Variants in TCF4 observed in about 807,000 individuals in gnomAD.
TCF4 encodes the protein SL3-3 enhancer factor 2.
A neutral mutation model predicts 82.1 loss-of-function variants in TCF4; 3 were observed. The ratio of observed to expected loss-of-function variants is 0.04; its 90% CI spans 0.02 to 0.09. TCF4 has a LOEUF of 0.09. TCF4 is among the 10% of genes least tolerant of loss of function. The probability of loss-of-function intolerance (pLI) is 1.00; values close to 1 mark genes in which losing one functional copy is unlikely to be tolerated. For synonymous variants in TCF4, 276 were observed against 309.6 expected, an observed-to-expected ratio of 0.89 and a Z score of 1.14; for missense variants, 518 against 852.7, an observed-to-expected ratio of 0.61 and a Z score of 4.89.
chr18:55,621,934 A>AT (rs2097721041), intron 2 of TCF4, among the ~76,000 whole-genome samples: 1 of 4,728 alleles, frequency 2.1e-4, no homozygotes, highest in Non-Finnish European at 3.6e-4. Flanking sequence ...ACTATATACT[A>AT]TATATACACT....
intron 2 of TCF4, among the ~76,000 whole-genome samples, chr18:55,616,066 C>T (rs1056081400): frequency 6.6e-6 from 1 of 152,048 alleles, no homozygotes; most frequent in Non-Finnish European, 1.5e-5. Flanking sequence ...TGCTGTACAA[C>T]AGATCTCTAG....
At chr18:55,505,874 A>G (rs1467342198) in intron 3 of TCF4, among the ~76,000 whole-genome samples, 1 of 152,086 alleles carries the variant, frequency 6.6e-6, no homozygotes, top group East Asian at 1.9e-4. Context: ...CAAATCTGGG[A>G]AACATACACC....
intron 15 of TCF4, among the ~76,000 whole-genome samples, chr18:55,244,276 T>C (rs771798029): frequency 1.3e-5 from 2 of 152,150 alleles, no homozygotes; most frequent in Non-Finnish European, 2.9e-5. Flanking sequence ...TTCCCTTAGA[T>C]TGCATCCAAA....
At chr18:55,522,276 A>G (rs558702025) in intron 3 of TCF4, among the ~76,000 whole-genome samples, 3 of 152,342 alleles carry the variant, frequency 2.0e-5, no homozygotes, top group African/African-American at 4.8e-5. Flanking sequence ...TCAACATCAC[A>G]GAATATATTA....
chr18:55,264,085 G>GC (rs1423973597), intron 11 of TCF4, among the ~76,000 whole-genome samples: 1 of 151,670 alleles, frequency 6.6e-6, no homozygotes, highest in Admixed American at 6.6e-5. Flanking sequence ...AAATATATAC[G>GC]CCCCAAAAAT....
intron 11 of TCF4, chr18:55,267,176 G>A (rs1044458014): frequency 6.6e-6 from 1 of 152,130 alleles, no homozygotes; most frequent in Non-Finnish European, 1.5e-5. Flanking sequence ...CTACAGAATC[G>A]TGTGTAATCT....
intron 5 of TCF4, among the ~76,000 whole-genome samples, chr18:55,406,600 G>A (rs947073208): frequency 2.0e-5 from 3 of 152,160 alleles, no homozygotes; most frequent in African/African-American, 2.4e-5. Context: ...GGATCCTTAA[G>A]TAACTATCTG....
At chr18:55,422,418 G>T (rs537475938) in intron 5 of TCF4, 101 of 984,348 alleles carry the variant, frequency 1.0e-4, no homozygotes, top group African/African-American at 3.5e-4. Flanking sequence ...GGGTTTGGGG[G>T]GTTTTTTTTA....
At chr18:55,467,197 T>A (rs780554585) in intron 3 of TCF4, among the ~76,000 whole-genome samples, 23 of 152,216 alleles carry the variant, frequency 1.5e-4, no homozygotes, top group Non-Finnish European at 2.8e-4. Flanking sequence ...TATAAACTAG[T>A]GTTTCCATAG....
intron 3 of TCF4, among the ~76,000 whole-genome samples, chr18:55,516,652 T>A (rs2096884955): frequency 6.6e-6 from 1 of 152,046 alleles, no homozygotes; most frequent in Non-Finnish European, 1.5e-5. Flanking sequence ...TGATATGACA[T>A]TTGAGTGAAG....
At chr18:55,609,617 A>C (rs2147961204) in intron 2 of TCF4, among the ~76,000 whole-genome samples, 1 of 152,294 alleles carries the variant, frequency 6.6e-6, no homozygotes, top group Non-Finnish European at 1.5e-5. Context: ...AAACACAAAC[A>C]AAAAAGGCAG....
At chr18:55,400,867 G>C in intron 6 of TCF4, 2 of 894,896 alleles carry the variant, frequency 2.2e-6, no homozygotes, top group Non-Finnish European at 3.1e-6. Context: ...TAAGTCCATA[G>C]GATACACTGT....
intron 2 of TCF4, among the ~76,000 whole-genome samples, chr18:55,618,738 T>C (rs932021756): frequency 8.2e-6 from 1 of 121,528 alleles, no homozygotes; most frequent in South Asian, 3.1e-4. Flanking sequence ...CATGACACCA[T>C]GGCTGGCTAA....
At chr18:55,539,365 C>T (rs2097145551) in intron 3 of TCF4, among the ~76,000 whole-genome samples, 2 of 152,136 alleles carry the variant, frequency 1.3e-5, no homozygotes, top group Admixed American at 1.3e-4. Flanking sequence ...ATGAGTAATC[C>T]AACCCTGAAA....
In TCF4 at chr18:55,390,958, G is replaced by A. The variant is rs76856253; in HGVS notation, c.369+12496C>T. ...AGACTCAAGCGAGTCTTACGTGGTC[G>A]CTAGTTGGGAGTAGCATTCTGGGGA... On this transcript the variant is annotated intron_variant, in intron 6 of 19. Coordinates refer to ENST00000354452, the MANE Select transcript of TCF4 (RefSeq NM_001083962.2). 6.3e-3 allele frequency among the ~76,000 whole-genome samples: 954 copies of A among 152,326 alleles called. 12 individuals are homozygous for A. The highest frequency in any genetic ancestry group is 0.022 in the African/African-American group (925 of 41,568).
intron 8 of TCF4, among the ~76,000 whole-genome samples, chr18:55,289,378 T>C (rs2064470318): frequency 6.6e-6 from 1 of 152,236 alleles, no homozygotes; most frequent in Non-Finnish European, 1.5e-5. Context: ...TTGATGTGCA[T>C]GTGAAGAAAT....
At chr18:55,434,419 C>CTTTTTTTTTTT (rs765165999) in intron 5 of TCF4, among the ~76,000 whole-genome samples, 1 of 118,204 alleles carries the variant, frequency 8.5e-6, no homozygotes, top group Non-Finnish European at 1.6e-5. Flanking sequence ...ACAGGACATT[C>CTTTTTTTTTTT]TTTTTTTTTT....
Position 55,588,153 on chromosome 18 carries a change from C to A in TCF4, c.-136G>T. The A allele has an allele frequency of 9.2e-7, 1 of 1,092,026 alleles. No homozygotes were observed. 67.6% of individuals were successfully genotyped at this position (1,092,026 alleles called of 1,614,324 possible). On this transcript the variant is annotated 5_prime_UTR_variant, in exon 1 of 20. The change creates a new upstream start codon in the 5' untranslated region. Transcript: ENST00000354452. ...CTGCGCCCGCTCCCGCGCCTGCTGC[C>A]TCCCCGCCGCCGCCGCCGCCGCCGC...
At chr18:55,304,980 G>C (rs568345716) in intron 8 of TCF4, among the ~76,000 whole-genome samples, 1 of 152,192 alleles carries the variant, frequency 6.6e-6, no homozygotes, top group Non-Finnish European at 1.5e-5. Flanking sequence ...AAGGAAGCAT[G>C]GTGACAGCAG....
Sources: allele counts gnomAD v4.1 joint callset (sites outside exome capture counted in the v4.1 genomes callset), GRCh38; gene constraint gnomAD v4.1.1; transcripts MANE v1.5; gene names NCBI Gene and HGNC (gene_info 2026-07-23, HGNC 2026-07-21).